The following PRELID2 variants were observed in gnomAD, a reference collection of about 807,000 sequenced individuals.
PRELID2 encodes PRELI domain-containing protein 2.
A neutral mutation model predicts 28.4 loss-of-function variants in PRELID2; 25 were observed. The ratio of observed to expected loss-of-function variants is 0.88; its 90% CI spans 0.64 to 1.23. The LOEUF is 1.23. Ranked by LOEUF, PRELID2 falls within the 50% of genes most tolerant of loss-of-function variation. The pLI is 0.00. For synonymous variants in PRELID2, 76 were observed against 71.6 expected (o/e 1.06, Z -0.31); for missense variants, 201 against 214.4 (o/e 0.94, Z 0.39).
the PRELID2 span, among the ~76,000 whole-genome samples, chr5:145,431,444 C>A: frequency 2.0e-5 from 3 of 152,056 alleles, no homozygotes; most frequent in Non-Finnish European, 4.4e-5. Context: ...AGTTTTTCCC[C>A]ATCAAATACT....
At chr5:145,524,876 G>A (rs546479943) in intron 1 of PRELID2, among the ~76,000 whole-genome samples, 11 of 152,204 alleles carry the variant, frequency 7.2e-5, no homozygotes, top group Middle Eastern at 3.4e-3. Flanking sequence ...CCTATCTCAC[G>A]GGTTTACTGT....
Position 145,821,127 on chromosome 5 carries a change from A to C in PRELID2, c.134-1109T>G, listed in dbSNP as rs187334948. Among the ~76,000 whole-genome samples, 465 of 82,228 alleles carry C rather than the reference A, an allele frequency of 5.7e-3. 2 individuals carry two copies. Among genetic ancestry groups the C allele is most frequent in the African/African-American group, 0.018 (424 of 23,230 alleles). 53.9% of individuals were successfully genotyped at this position (82,228 alleles called of 152,430 possible). A position where few individuals can be genotyped will look rare whatever the true frequency, so the allele number is the denominator to read the frequency against. On this transcript the variant is annotated intron_variant, in intron 2 of 6. Transcript: ENST00000683046. The stretch of plus-strand genomic sequence containing the variant: ...GACAGTTAACAACCGCCTGACCGTC[A>C]CCTGATGGTCATCCAACTCTCCTGG...
At chr5:145,340,473 A>G in the PRELID2 span, among the ~76,000 whole-genome samples, 16 of 152,094 alleles carry the variant, frequency 1.1e-4, no homozygotes, top group Non-Finnish European at 2.2e-4. Context: ...AAGGCCTAGG[A>G]ATCAGGCTTT....
intron 1 of PRELID2, among the ~76,000 whole-genome samples, chr5:145,495,944 G>T (rs1752306554): frequency 6.6e-6 from 1 of 152,132 alleles, no homozygotes; most frequent in Non-Finnish European, 1.5e-5. Flanking sequence ...CGGAGAATGA[G>T]TCAGGTGTTC....
chr5:145,750,297 C>G (rs1402095787), intron 1 of PRELID2, among the ~76,000 whole-genome samples: 1 of 151,560 alleles, frequency 6.6e-6, no homozygotes, highest in Non-Finnish European at 1.5e-5. Flanking sequence ...TCATTTAATC[C>G]TTTCAACAAC....
At chr5:145,600,434 A>AAAAAAATATATAT (rs1315631607) in intron 1 of PRELID2, among the ~76,000 whole-genome samples, 1 of 120,098 alleles carries the variant, frequency 8.3e-6, no homozygotes, top group African/African-American at 4.1e-5. Context: ...AAAAAAAAAA[A>AAAAAAATATATAT]ATATATATAT....
chr5:145,400,525 G>A, the PRELID2 span, among the ~76,000 whole-genome samples: 5 of 152,082 alleles, frequency 3.3e-5, no homozygotes, highest in African/African-American at 1.2e-4. Flanking sequence ...TTTAAAATGA[G>A]GCAATTCAAG....
intron 5 of PRELID2, among the ~76,000 whole-genome samples, chr5:145,779,407 T>C (rs2149792426): frequency 6.6e-6 from 1 of 152,228 alleles, no homozygotes; most frequent in African/African-American, 2.4e-5. Flanking sequence ...ATGGTAAAAG[T>C]GGAAATAACC....
the PRELID2 span, among the ~76,000 whole-genome samples, chr5:145,432,566 T>A: frequency 6.6e-6 from 1 of 152,054 alleles, no homozygotes; most frequent in East Asian, 1.9e-4. Context: ...TGCATTGAAT[T>A]CCTCCAAAAT....
At chr5:145,804,555 T>G (rs1753366274) in intron 4 of PRELID2, among the ~76,000 whole-genome samples, 1 of 152,130 alleles carries the variant, frequency 6.6e-6, no homozygotes. Context: ...TAACATATTT[T>G]CATAGCCTAT....
At chr5:145,616,928 A>AC (rs200101817) in intron 1 of PRELID2, among the ~76,000 whole-genome samples, 354 of 151,780 alleles carry the variant, frequency 2.3e-3, no homozygotes, top group African/African-American at 8.3e-3. Context: ...AAAGACGGCC[A>AC]CCCCCCGAAG....
chr5:145,665,831 C>T (rs554189912), intron 1 of PRELID2, among the ~76,000 whole-genome samples: 2 of 152,166 alleles, frequency 1.3e-5, no homozygotes, highest in South Asian at 4.1e-4. Flanking sequence ...AATGGCACTC[C>T]TTAGTCTCTC....
the PRELID2 span, among the ~76,000 whole-genome samples, chr5:145,247,540 C>T: frequency 6.6e-6 from 1 of 152,148 alleles, no homozygotes; most frequent in African/African-American, 2.4e-5. Context: ...CTATGGTCTT[C>T]TGTCCTACAT....
the PRELID2 span, among the ~76,000 whole-genome samples, chr5:145,287,735 T>A: frequency 6.6e-6 from 1 of 152,216 alleles, no homozygotes; most frequent in African/African-American, 2.4e-5. Context: ...GAATCAATAC[T>A]GATACTATTA....
chr5:145,309,312 G>T, the PRELID2 span, among the ~76,000 whole-genome samples: 2 of 152,148 alleles, frequency 1.3e-5, no homozygotes, highest in East Asian at 1.9e-4. Flanking sequence ...CGAGATCTGG[G>T]CTGGATCTGA....
intron 1 of PRELID2, among the ~76,000 whole-genome samples, chr5:145,828,472 G>T (rs1240761309): frequency 6.6e-6 from 1 of 152,124 alleles, no homozygotes; most frequent in African/African-American, 2.4e-5. Flanking sequence ...TAATATATCT[G>T]ATTTTCCTAG....
At chr5:145,614,633 T>C (rs763189406) in intron 1 of PRELID2, among the ~76,000 whole-genome samples, 4 of 152,284 alleles carry the variant, frequency 2.6e-5, no homozygotes, top group Non-Finnish European at 5.9e-5. Context: ...CTCTGCTTGG[T>C]TGCTGTTGGT....
the PRELID2 span, among the ~76,000 whole-genome samples, chr5:145,436,017 T>C: frequency 6.6e-6 from 1 of 152,166 alleles, no homozygotes; most frequent in Non-Finnish European, 1.5e-5. Flanking sequence ...AGGGGTTTAG[T>C]GTACAGATTT....
intron 1 of PRELID2, among the ~76,000 whole-genome samples, chr5:145,708,228 G>A (rs2149707927): frequency 6.6e-6 from 1 of 151,156 alleles, no homozygotes; most frequent in East Asian, 2.0e-4. Context: ...TTGACCTAAA[G>A]AAGCAGTCTC....
Sources: allele counts gnomAD v4.1 joint callset (sites outside exome capture counted in the v4.1 genomes callset), GRCh38; gene constraint gnomAD v4.1.1; transcripts MANE v1.5; gene names NCBI Gene and HGNC (gene_info 2026-07-23, HGNC 2026-07-21).